PDE6B: variants seen among roughly 807,000 people sequenced by gnomAD.
PDE6B encodes phosphodiesterase 6B.
In PDE6B, 106 loss-of-function variants were observed where a neutral mutation model predicts 109.0. The observed-to-expected ratio is 0.97, with a 90% CI of 0.83 to 1.14. The LOEUF (loss-of-function observed/expected upper bound fraction) is 1.14. Ranked by LOEUF, PDE6B falls within the 50% of genes most tolerant of loss-of-function variation. PDE6B has a pLI of 0.00. For missense variants in PDE6B, 1,193 were observed against 1,155.6 expected, an observed-to-expected ratio of 1.03 and a Z score of -0.47; for synonymous variants, 490 against 471.3, an observed-to-expected ratio of 1.04 and a Z score of -0.51.
Position 653,920 on chromosome 4 carries a change from C to T in PDE6B, c.780C>T (p.Ala260=), listed in dbSNP as rs759132270. Residue 260 remains alanine (A), a synonymous_variant, in exon 4 of 22, where the codon GCC becomes GCT. Coordinates refer to ENST00000496514, the MANE Select transcript of PDE6B (RefSeq NM_000283.4). ...LTDIERQFHK[A]FYTVRAYLNC... is the part of the protein sequence containing the mutation. Reference sequence around the variant, plus strand: ...ACATCGAGAGGCAGTTCCACAAGGCCTTCTACACGGTGCGGGCCTACCTCA... The same window carrying T: ...ACATCGAGAGGCAGTTCCACAAGGCTTTCTACACGGTGCGGGCCTACCTCA... 3.5e-5 allele frequency: 57 copies of T among 1,613,792 alleles called. No individual in the cohort carries two copies. The South Asian group carries it at 5.7e-4, about 16-fold the overall frequency.
Position 661,694 on chromosome 4 carries a change from C to T in PDE6B, c.1615-440C>T, listed in dbSNP as rs556299589. On this transcript the variant is annotated intron_variant, in intron 12 of 21. Transcript: ENST00000496514. ...GCAGGAAGAGCCTCCTGGCGATGTCCGCAGGGCAAGAGAGACCAGCATTCT... is the reference window on the plus strand; with the variant it reads ...GCAGGAAGAGCCTCCTGGCGATGTCTGCAGGGCAAGAGAGACCAGCATTCT... 6.2e-5 allele frequency: 10 copies of T among 162,214 alleles called. No homozygotes were observed. In the South Asian group the frequency reaches 1.5e-3, roughly 24 times the overall value. The allele number at this position is 162,214 out of a possible 1,614,324, so 10.0% of individuals were successfully genotyped here.
At chr4:629,841 G>A (rs557980658) in intron 1 of PDE6B, among the ~76,000 whole-genome samples, 66 of 152,308 alleles carry the variant, frequency 4.3e-4, no homozygotes, top group African/African-American at 1.4e-3. Flanking sequence ...GGGTGTGAAG[G>A]CCCCAGAGCG....
intron 1 of PDE6B, among the ~76,000 whole-genome samples, chr4:632,233 T>C (rs753881699): frequency 5.9e-5 from 9 of 151,834 alleles, no homozygotes; most frequent in Non-Finnish European, 1.2e-4. Flanking sequence ...TGGTATCAGC[T>C]GAGAGTCATG....
In PDE6B at chr4:668,009, C is replaced by G. The variant is rs1367759548; in HGVS notation, c.2503+3C>G. On this transcript the variant is annotated splice_donor_region_variant and intron_variant, in intron 21 of 21. Transcript: ENST00000496514. The stretch of plus-strand genomic sequence containing the variant: ...GGAGAGGGTGGCAGCCAAGAAAGGT[C>G]TGGCTCTGTGTGGCCTGTGGGGCAG... 1 of 1,610,932 alleles carries G rather than the reference C, an allele frequency of 6.2e-7. No individual in the cohort carries two copies. The highest frequency in any genetic ancestry group is 8.5e-7 in the Non-Finnish European group (1 of 1,179,178).
At chr4:634,259 G>A (rs1193799532) in intron 1 of PDE6B, among the ~76,000 whole-genome samples, 1 of 152,184 alleles carries the variant, frequency 6.6e-6, no homozygotes, top group South Asian at 2.1e-4. Flanking sequence ...GAAGAGTGTA[G>A]GAGTGTCCTG....
At chr4:658,141 G>A (rs1295835734) in intron 10 of PDE6B, among the ~76,000 whole-genome samples, 11 of 141,170 alleles carry the variant, frequency 7.8e-5, no homozygotes, top group South Asian at 2.4e-4. Flanking sequence ...ACAGCTGTGC[G>A]GTGGGGACAG....
chr4:658,883 G>A (rs535338968), intron 10 of PDE6B, 69 bp from the exon 11 acceptor site: 2 of 1,116,450 alleles, frequency 1.8e-6, no homozygotes, highest in Admixed American at 1.7e-5. Context: ...CACACGGGGT[G>A]GACGCACCGC....
intron 12 of PDE6B, among the ~76,000 whole-genome samples, chr4:660,984 A>AATGG (rs56111280): frequency 0.14 from 5,188 of 37,140 alleles, 247 homozygotes; most frequent in African/African-American, 0.2. Flanking sequence ...TAGTTGGATA[A>AATGG]ATGGATGGGT....
chr4:628,458 G>A (rs1179003675), intron 1 of PDE6B, among the ~76,000 whole-genome samples: 1 of 152,206 alleles, frequency 6.6e-6, no homozygotes, highest in East Asian at 1.9e-4. Context: ...GCCACCCGGA[G>A]TCTCGCCCTC....
intron 20 of PDE6B, among the ~76,000 whole-genome samples, chr4:667,580 A>C (rs1737941063): frequency 6.7e-6 from 1 of 149,324 alleles, no homozygotes; most frequent in African/African-American, 2.5e-5. Flanking sequence ...CCCTGCCCCC[A>C]CCCCCTGAGC....
chr4:660,763 G>A, intron 12 of PDE6B, 150 bp downstream of exon 12: 4 of 718,388 alleles, frequency 5.6e-6, no homozygotes, highest in South Asian at 1.5e-5. Context: ...GGGCCGACAT[G>A]TTCATCACAG....
intron 6 of PDE6B, chr4:655,682 A>G (rs1736136450): frequency 1.7e-6 from 1 of 585,326 alleles, no homozygotes; most frequent in Non-Finnish European, 3.1e-6. Context: ...AGGATGGCAC[A>G]TGAGCCAGAG....
At chr4:661,686 G>A (rs1737119795) in intron 12 of PDE6B, 1 of 154,004 alleles carries the variant, frequency 6.5e-6, no homozygotes, top group African/African-American at 2.4e-5. Context: ...GAGCCTCCTG[G>A]CGATGTCCGC....
chr4:628,296 G>A (rs915180018), intron 1 of PDE6B, among the ~76,000 whole-genome samples: 1 of 152,184 alleles, frequency 6.6e-6, no homozygotes, highest in Non-Finnish European at 1.5e-5. Flanking sequence ...GCACACCTCA[G>A]TCTGGCCCAC....
Position 667,865 on chromosome 4 carries a change from C to G in PDE6B, c.2362C>G (p.Arg788Gly), listed in dbSNP as rs954562282. 2 of 1,612,978 alleles carry G rather than the reference C, an allele frequency of 1.2e-6. No individual in the cohort carries two copies. The highest frequency in any genetic ancestry group is 1.3e-5 in the African/African-American group (1 of 74,908). ...TCTCGACTCCCCTCAGGAGTTCTCT[C>G]GTTTCCACGAAGAGATCCTGCCCAT... Reference protein sequence around the residue: ...VCTFVYKEFSRFHEEILPMFD... With the variant: ...VCTFVYKEFSGFHEEILPMFD... The change falls in exon 21 of 22, where the codon CGT (arginine) becomes GGT (glycine). Residue 788 changes from arginine (R) to glycine (G), a missense_variant. Arg to Gly is a moderately radical substitution (Grantham distance 125). Transcript: ENST00000496514.
chr4:662,716 G>C lies in PDE6B; in HGVS notation c.1832+98G>C. ...CATAGCAGGCTATGTAGAAAGTGGA[G>C]TCCACGGCCAGGCCCCGTACTCCAG... On this transcript the variant is annotated intron_variant, in intron 14 of 21. Coordinates refer to ENST00000496514, the MANE Select transcript of PDE6B (RefSeq NM_000283.4). The surrounding 1 kb of genome is among the most constrained non-coding windows in gnomAD (Gnocchi z 4.3). The C allele has an allele frequency of 2.4e-6, 2 of 827,294 alleles. No individual in the cohort carries two copies. The highest frequency in any genetic ancestry group is 4.1e-6 in the Non-Finnish European group (2 of 483,394). The allele number at this position is 827,294 out of a possible 1,614,324, so 51.2% of individuals were successfully genotyped here. A position where few individuals can be genotyped will look rare whatever the true frequency, so the allele number is the denominator to read the frequency against.
At chr4:667,773 G>A (rs1737963383) in intron 20 of PDE6B, 83 bp from the exon 21 acceptor site, 1 of 1,423,198 alleles carries the variant, frequency 7.0e-7, no homozygotes. Flanking sequence ...TCCCCTACGA[G>A]GGGGATGAGC....
At chr4:627,342 C>T (rs559772363) in intron 1 of PDE6B, among the ~76,000 whole-genome samples, 8 of 152,194 alleles carry the variant, frequency 5.3e-5, no homozygotes, top group South Asian at 2.1e-4. Context: ...GACAGAGTTT[C>T]GTCATGTTGG....
rs1031853500 is a variant in PDE6B at position 656,293 on chromosome 4, G to C, written c.1107+1G>C. 6.5e-7 allele frequency: 1 copy of C among 1,529,322 alleles called. No individual in the cohort carries two copies. The highest frequency in any genetic ancestry group is 1.1e-5 in the South Asian group (1 of 89,416). The allele number at this position is 1,529,322 out of a possible 1,614,324, so 94.7% of individuals were successfully genotyped here. A position where few individuals can be genotyped will look rare whatever the true frequency, so the allele number is the denominator to read the frequency against. The stretch of plus-strand genomic sequence containing the variant: ...CGCTGACGAAATGTTCAAATTTCAG[G>C]TATCTGTCTGTGCCTTGGTAGAAAT... On this transcript the variant is annotated splice_donor_variant, in intron 8 of 21. Transcript: ENST00000496514. LOFTEE classifies it high-confidence loss of function.
Sources: allele counts gnomAD v4.1 joint callset (sites outside exome capture counted in the v4.1 genomes callset), GRCh38; gene constraint gnomAD v4.1.1; non-coding constraint Gnocchi (gnomAD v3.1); transcripts MANE v1.5; gene names NCBI Gene and HGNC (gene_info 2026-07-23, HGNC 2026-07-21).